SLCO1B1: variants seen among roughly 807,000 people sequenced by gnomAD.
SLCO1B1 encodes the protein OATP-2.
In SLCO1B1, 81 loss-of-function variants were observed where a neutral mutation model predicts 70.1. The ratio of observed to expected loss-of-function variants is 1.16; its 90% CI spans 0.97 to 1.39. The LOEUF is 1.39. SLCO1B1 is among the 40% of genes most tolerant of loss of function. The pLI is 0.00. For synonymous variants in SLCO1B1, 283 were observed against 271.5 expected (o/e 1.04, Z -0.42); for missense variants, 895 against 799.6 (o/e 1.12, Z -1.44).
At chr12:21,224,226 T>G (rs920765673) in intron 13 of SLCO1B1, among the ~76,000 whole-genome samples, 1 of 151,948 alleles carries the variant, frequency 6.6e-6, no homozygotes, top group African/African-American at 2.4e-5. Flanking sequence ...TATACTTATC[T>G]GGGGAGGGAG....
At position 21,162,510 on chromosome 12, in the gene SLCO1B1, G is replaced by C. The variant is rs4149027; in HGVS notation, c.85-10140G>C. On this transcript the variant is annotated intron_variant, in intron 2 of 14. Transcript: ENST00000256958. Reference sequence around the variant, plus strand: ...TCCTACTAGGGGAAATAAAGCTTCAGTAAGGAGGTGGCATTAAGCTGGGCT... The same window carrying C: ...TCCTACTAGGGGAAATAAAGCTTCACTAAGGAGGTGGCATTAAGCTGGGCT... 9.0e-3 allele frequency among the ~76,000 whole-genome samples: 1,364 copies of C among 152,280 alleles called. 31 individuals are homozygous for C. The highest frequency in any genetic ancestry group is 0.083 in the East Asian group (431 of 5,190).
intron 2 of SLCO1B1, among the ~76,000 whole-genome samples, chr12:21,164,073 T>A (rs1234882476): frequency 6.6e-6 from 1 of 151,890 alleles, no homozygotes; most frequent in Non-Finnish European, 1.5e-5. Flanking sequence ...AGAGACAGAG[T>A]TATGGAAAAG....
At position 21,196,928 on chromosome 12, in the gene SLCO1B1, TATAA is replaced by T. The variant is rs150936610; in HGVS notation, c.728-17_728-14del. 3.5e-3 allele frequency: 5,671 copies of T among 1,611,976 alleles called. 148 individuals are homozygous for T. Among genetic ancestry groups the T allele is most frequent in the South Asian group, 0.032 (2,920 of 90,852 alleles). On this transcript the variant is annotated splice_polypyrimidine_tract_variant and intron_variant, in intron 7 of 14. Coordinates refer to ENST00000256958, the MANE Select transcript of SLCO1B1 (RefSeq NM_006446.5). ...TTCAAAATGATTTTTGACTGGCTTC[TATAA>T]TTATTTATTCTAGGCACTATCAGGA...
intron 2 of SLCO1B1, among the ~76,000 whole-genome samples, chr12:21,154,529 C>T (rs1387412374): frequency 6.6e-6 from 1 of 152,130 alleles, no homozygotes; most frequent in Non-Finnish European, 1.5e-5. Context: ...GCACCCCAAA[C>T]AGACTGAGAC....
At position 21,238,500 on chromosome 12, in the gene SLCO1B1, C is replaced by A. The variant is rs78549310; in HGVS notation, c.1866-479C>A. On this transcript the variant is annotated intron_variant, in intron 14 of 14. Transcript: ENST00000256958. ...TTTTTTTCACTTTTGGTATGACTGG[C>A]AATTTTTTTCATTACAGTTAAGCAT... 2.0e-5 allele frequency among the ~76,000 whole-genome samples: 3 copies of A among 151,692 alleles called. No individual in the cohort carries two copies. In the East Asian group the frequency reaches 5.8e-4, roughly 29 times the overall value.
intron 2 of SLCO1B1, among the ~76,000 whole-genome samples, chr12:21,160,691 G>T (rs1169509129): frequency 6.6e-6 from 1 of 152,156 alleles, no homozygotes; most frequent in African/African-American, 2.4e-5. Flanking sequence ...AAGAGCTTCT[G>T]CACAGAAAAA....
At chr12:21,157,728 A>G (rs1002989833) in intron 2 of SLCO1B1, among the ~76,000 whole-genome samples, 5 of 151,688 alleles carry the variant, frequency 3.3e-5, no homozygotes, top group Non-Finnish European at 5.9e-5. Flanking sequence ...CAGCCTCCCA[A>G]GTAGCTGGGA....
At chr12:21,180,973 C>T (rs1940888776) in intron 7 of SLCO1B1, among the ~76,000 whole-genome samples, 1 of 152,242 alleles carries the variant, frequency 6.6e-6, no homozygotes, top group Non-Finnish European at 1.5e-5. Flanking sequence ...ACAAAGTATA[C>T]TTTGGCAAAC....
chr12:21,229,917 G>C (rs1941516794), intron 14 of SLCO1B1, among the ~76,000 whole-genome samples: 1 of 152,102 alleles, frequency 6.6e-6, no homozygotes, highest in Admixed American at 6.6e-5. Context: ...ACAGTGGTGA[G>C]AGGGGACGTT....
At chr12:21,209,978 G>C (rs1941261202) in intron 11 of SLCO1B1, among the ~76,000 whole-genome samples, 1 of 151,788 alleles carries the variant, frequency 6.6e-6, no homozygotes, top group Admixed American at 6.6e-5. Context: ...CAGATGAGTA[G>C]GTTGTGAAAA....
At chr12:21,147,381 C>T (rs1005086934) in intron 2 of SLCO1B1, among the ~76,000 whole-genome samples, 34 of 152,236 alleles carry the variant, frequency 2.2e-4, no homozygotes, top group African/African-American at 7.7e-4. Context: ...TGGTTTGCTG[C>T]ACCCATCAAC....
At chr12:21,208,463 T>C (rs1254258145) in intron 11 of SLCO1B1, among the ~76,000 whole-genome samples, 1 of 152,074 alleles carries the variant, frequency 6.6e-6, no homozygotes, top group Non-Finnish European at 1.5e-5. Context: ...GCTTCTGGGT[T>C]CTCTATTCTG....
chr12:21,166,345 AC>A (rs748763509), intron 2 of SLCO1B1, among the ~76,000 whole-genome samples: 2 of 152,192 alleles, frequency 1.3e-5, no homozygotes, highest in African/African-American at 2.4e-5. Context: ...AATAAGATTA[AC>A]AACTGATTTC....
At chr12:21,232,680 CCACA>C (rs558994312) in intron 14 of SLCO1B1, among the ~76,000 whole-genome samples, 12 of 150,236 alleles carry the variant, frequency 8.0e-5, no homozygotes, top group African/African-American at 3.0e-4. Flanking sequence ...ATTAATCAGA[CCACA>C]CACACACAGA....
chr12:21,154,639 A>G (rs1323666743), intron 2 of SLCO1B1, among the ~76,000 whole-genome samples: 1 of 151,970 alleles, frequency 6.6e-6, no homozygotes, highest in Admixed American at 6.6e-5. Flanking sequence ...CACTATGACT[A>G]TTTTACCTCC....
chr12:21,186,485 G>T (rs189994016), intron 7 of SLCO1B1, among the ~76,000 whole-genome samples: 15 of 152,116 alleles, frequency 9.9e-5, no homozygotes, highest in Non-Finnish European at 1.6e-4. Context: ...TGTCAACTTT[G>T]AATAACACCG....
chr12:21,142,933 T>C (rs1469245223), intron 2 of SLCO1B1, among the ~76,000 whole-genome samples: 1 of 152,014 alleles, frequency 6.6e-6, no homozygotes, highest in East Asian at 1.9e-4. Context: ...TGCAGCCCAA[T>C]AAAGAAGACT....
intron 2 of SLCO1B1, among the ~76,000 whole-genome samples, chr12:21,159,671 C>G (rs535726628): frequency 2.0e-5 from 3 of 152,124 alleles, no homozygotes; most frequent in African/African-American, 7.2e-5. Flanking sequence ...AAACAATGGT[C>G]TATGGTCAAA....
chr12:21,209,201 C>G (rs1461838540), intron 11 of SLCO1B1, among the ~76,000 whole-genome samples: 1 of 151,136 alleles, frequency 6.6e-6, no homozygotes, highest in Non-Finnish European at 1.5e-5. Context: ...AATGCTATCC[C>G]TCCCCCCTCC....
Sources: gnomAD v4.1 joint callset for allele counts (sites outside exome capture counted in the v4.1 genomes callset) on GRCh38, gnomAD v4.1.1 for gene constraint, MANE v1.5 for transcripts, NCBI Gene and HGNC (gene_info 2026-07-23, HGNC 2026-07-21) for gene names.